SLC25A13: variants seen among roughly 807,000 people sequenced by gnomAD.
The protein encoded by SLC25A13 is solute carrier family 25 member 13, also known as electrogenic aspartate/glutamate antiporter SLC25A13, mitochondrial.
SLC25A13 carries 70 observed loss-of-function variants against 85.5 expected under a neutral mutation model. That is an observed-to-expected ratio of 0.82 (90% confidence interval 0.68 to 1.00). The LOEUF (loss-of-function observed/expected upper bound fraction) is 1.00, where lower values mean the gene tolerates loss of function less well. Among genes scored for constraint, SLC25A13 ranks in the 50% least tolerant of loss-of-function variants. SLC25A13 has a pLI of 0.00. For synonymous variants in SLC25A13, 259 were observed against 288.7 expected (o/e 0.90, Z 1.04); for missense variants, 765 against 819.8 (o/e 0.93, Z 0.82).
chr7:96,275,717 C>G (rs1023591065), intron 3 of SLC25A13, among the ~76,000 whole-genome samples: 1 of 151,920 alleles, frequency 6.6e-6, no homozygotes, highest in Non-Finnish European at 1.5e-5. Flanking sequence ...AGGGGAACAT[C>G]ACACACTGGG....
chr7:96,244,697 T>C (rs571550330), intron 3 of SLC25A13, among the ~76,000 whole-genome samples: 10 of 152,176 alleles, frequency 6.6e-5, no homozygotes, highest in Non-Finnish European at 1.2e-4. Flanking sequence ...CTGGAGTGCA[T>C]GTGTTCTGAG....
chr7:96,314,636 A>G (rs1172084474), intron 1 of SLC25A13, among the ~76,000 whole-genome samples: 1 of 152,172 alleles, frequency 6.6e-6, no homozygotes, highest in African/African-American at 2.4e-5. Context: ...GGAAGCGCTC[A>G]GCAGGAATGC....
chr7:96,227,254 A>T (rs1161716620), intron 4 of SLC25A13, among the ~76,000 whole-genome samples: 1 of 152,176 alleles, frequency 6.6e-6, no homozygotes, highest in Non-Finnish European at 1.5e-5. Flanking sequence ...GTGTTCATCA[A>T]CTCAAAATTT....
chr7:96,312,477 T>C (rs1799986781), intron 1 of SLC25A13, among the ~76,000 whole-genome samples: 1 of 152,222 alleles, frequency 6.6e-6, no homozygotes, highest in Non-Finnish European at 1.5e-5. Context: ...ATCAACACGT[T>C]CCCTGCTACC....
chr7:96,194,854 C>A (rs1795001410), intron 5 of SLC25A13, among the ~76,000 whole-genome samples: 1 of 152,158 alleles, frequency 6.6e-6, no homozygotes, highest in Non-Finnish European at 1.5e-5. Flanking sequence ...AATCAGAGTT[C>A]TTATCCTATT....
At chr7:96,263,597 A>G (rs1446779197) in intron 3 of SLC25A13, among the ~76,000 whole-genome samples, 1 of 152,054 alleles carries the variant, frequency 6.6e-6, no homozygotes, top group African/African-American at 2.4e-5. Flanking sequence ...CACTCAGCAT[A>G]CCTCTTGTTT....
At chr7:96,171,266 C>T (rs572235859) in intron 12 of SLC25A13, among the ~76,000 whole-genome samples, 1 of 152,144 alleles carries the variant, frequency 6.6e-6, no homozygotes, top group South Asian at 2.1e-4. Context: ...CAGCAACCAC[C>T]AAAAGTCCTC....
chr7:96,148,978 G>A (rs1792913802), intron 13 of SLC25A13, among the ~76,000 whole-genome samples: 1 of 152,208 alleles, frequency 6.6e-6, no homozygotes, highest in Admixed American at 6.5e-5. Context: ...CTCCTACGCT[G>A]ATGTTTTCCT....
chr7:96,142,928 G>A (rs529028724), intron 14 of SLC25A13, among the ~76,000 whole-genome samples: 1 of 152,254 alleles, frequency 6.6e-6, no homozygotes, highest in South Asian at 2.1e-4. Flanking sequence ...CAACATTTAT[G>A]TATATGGATA....
intron 1 of SLC25A13, among the ~76,000 whole-genome samples, chr7:96,312,997 C>T (rs1446895624): frequency 6.6e-6 from 1 of 152,202 alleles, no homozygotes; most frequent in East Asian, 1.9e-4. Context: ...TAACTAGAAA[C>T]TTTATCAGGA....
At position 96,277,262 on chromosome 7, in the gene SLC25A13, C is replaced by T. The variant is rs750698657; in HGVS notation, c.146G>A (p.Gly49Glu). 5 of 1,612,032 alleles carry T rather than the reference C, an allele frequency of 3.1e-6. 1 individual carries two copies. The South Asian group carries it at 5.5e-5, about 18-fold the overall frequency. ...DFVTRYLNIF[G>E]ESQPNPKTVE... ...AGTCTTTGGATTAGGCTGGCTTTCT[C>T]CAAAAATGTTCAAGTATCGAGTGAC... is the stretch of plus-strand genomic sequence containing the variant. Residue 49 changes from glycine (G) to glutamate (E), a missense_variant, in exon 3 of 18, where the codon GGA (glycine) becomes GAA (glutamate). Transcript: ENST00000265631.
intron 4 of SLC25A13, among the ~76,000 whole-genome samples, chr7:96,215,673 C>T (rs1017668500): frequency 1.1e-4 from 16 of 151,394 alleles, no homozygotes; most frequent in African/African-American, 3.4e-4. Flanking sequence ...GACTTAAAAC[C>T]GTGAATAGTT....
At chr7:96,225,779 T>C (rs1332664243) in intron 4 of SLC25A13, among the ~76,000 whole-genome samples, 1 of 152,186 alleles carries the variant, frequency 6.6e-6, no homozygotes, top group African/African-American at 2.4e-5. Flanking sequence ...ATAGCTTCCA[T>C]GCTTTCTACC....
At chr7:96,173,113 C>T (rs1363400293) in intron 11 of SLC25A13, among the ~76,000 whole-genome samples, 1 of 152,114 alleles carries the variant, frequency 6.6e-6, no homozygotes, top group Non-Finnish European at 1.5e-5. Flanking sequence ...AAAATTTTTT[C>T]TTTGCTCATA....
intron 15 of SLC25A13, 32 bp downstream of exon 15, chr7:96,131,711 G>C: frequency 1.2e-6 from 2 of 1,613,224 alleles, no homozygotes; most frequent in East Asian, 4.5e-5. Flanking sequence ...CAAGGGTCAG[G>C]GAAGTAAGAG....
intron 4 of SLC25A13, among the ~76,000 whole-genome samples, chr7:96,209,463 T>A (rs1326153112): frequency 6.6e-6 from 1 of 151,906 alleles, no homozygotes; most frequent in Non-Finnish European, 1.5e-5. Flanking sequence ...AGGAAAAAAT[T>A]TGACACACAT....
Position 96,178,932 on chromosome 7 carries a change from C to G in SLC25A13, c.1177+5345G>C, listed in dbSNP as rs1794323464. On this transcript the variant is annotated intron_variant, in intron 11 of 17. Coordinates refer to ENST00000265631, the MANE Select transcript of SLC25A13 (RefSeq NM_014251.3). Reference sequence around the variant, plus strand: ...GGGCTGCTACCCCAAGGTGGCTGTACAGTGGAGCTGGGGAAATAGCCAGGG... The same window carrying G: ...GGGCTGCTACCCCAAGGTGGCTGTAGAGTGGAGCTGGGGAAATAGCCAGGG... Among the ~76,000 whole-genome samples the G allele has an allele frequency of 5.9e-5, 9 of 152,322 alleles. No individual in the cohort carries two copies. In the South Asian group the frequency reaches 1.9e-3, roughly 32 times the overall value.
At chr7:96,231,330 T>C (rs1416038752) in intron 4 of SLC25A13, among the ~76,000 whole-genome samples, 5 of 152,006 alleles carry the variant, frequency 3.3e-5, no homozygotes, top group African/African-American at 1.2e-4. Flanking sequence ...CCCTACAGAA[T>C]GGGAGAAAAT....
Position 96,193,131 on chromosome 7 carries a change from C to T in SLC25A13, c.521G>A (p.Arg174Lys). ...GTCGATGGCTGTGACTCTCCCAGTC[C>T]TAGCATTGTCCCGTTGCACAAAGGC... ...KQAFVQRDNA[R>K]TGRVTAIDFR... The change falls in exon 6 of 18, where the codon AGG becomes AAG. Residue 174 changes from arginine (R) to lysine (K), a missense_variant. Arg to Lys is a conservative substitution (Grantham distance 26, BLOSUM62 2). Coordinates refer to ENST00000265631, the MANE Select transcript of SLC25A13 (RefSeq NM_014251.3). The T allele has an allele frequency of 6.2e-7, 1 of 1,614,090 alleles. No homozygotes were observed. The highest frequency in any genetic ancestry group is 1.1e-5 in the South Asian group (1 of 91,074).
Sources: allele counts gnomAD v4.1 joint callset (sites outside exome capture counted in the v4.1 genomes callset), GRCh38; gene constraint gnomAD v4.1.1; transcripts MANE v1.5; gene names NCBI Gene and HGNC (gene_info 2026-07-23, HGNC 2026-07-21).